IGSF9B: variants seen among roughly 807,000 people sequenced by gnomAD.
IGSF9B encodes the protein protein turtle homolog B.
Under a neutral mutation model 143.7 loss-of-function variants are expected in IGSF9B, and 48 were observed. That is an observed-to-expected ratio of 0.33 (90% CI 0.26 to 0.42). The LOEUF is 0.42. Among genes scored for constraint, IGSF9B ranks in the 20% least tolerant of loss-of-function variants. The probability of loss-of-function intolerance (pLI) is 1.00; values close to 1 mark genes in which losing one functional copy is unlikely to be tolerated. For synonymous variants in IGSF9B, 903 were observed against 833.1 expected (o/e 1.08, Z -1.44); for missense variants, 1,706 against 1,980.0 (o/e 0.86, Z 2.63).
chr11:133,938,198 G>A (rs190040081), intron 3 of IGSF9B: 12 of 504,712 alleles, frequency 2.4e-5, no homozygotes, highest in African/African-American at 7.7e-5. Flanking sequence ...CCAGGTCACC[G>A]ATGTTAACTG....
Position 133,921,060 on chromosome 11 carries a change from A to T in IGSF9B, c.2665T>A (p.Phe889Ile). The change falls in exon 18 of 20, where the codon TTC becomes ATC. Residue 889 changes from phenylalanine to isoleucine, a missense_variant. Transcript: ENST00000533871. ...FAEETDMYPEFRQSDEENEDP... is the reference protein window; with the variant it reads ...FAEETDMYPEIRQSDEENEDP... The stretch of plus-strand genomic sequence containing the variant: ...TCGTTCTCCTCGTCCGACTGGCGGA[A>T]CTCGGGGTACATGTCCGTCTCCTCG... 1 of 1,613,850 alleles carries T rather than the reference A, an allele frequency of 6.2e-7. No individual in the cohort carries two copies. Among genetic ancestry groups the T allele is most frequent in the Non-Finnish European group, 8.5e-7 (1 of 1,179,864 alleles).
chr11:133,937,653 G>A (rs561763347), intron 4 of IGSF9B, among the ~76,000 whole-genome samples, 157 bp downstream of exon 4: 3 of 152,336 alleles, frequency 2.0e-5, no homozygotes, highest in South Asian at 2.1e-4. Context: ...CCCATCTCCC[G>A]CCAGCGACAC....
Position 133,913,915 on chromosome 11 carries a change from C to T in IGSF9B, c.3984-1908G>A, listed in dbSNP as rs1462485146. On this transcript the variant is annotated intron_variant, in intron 18 of 19. Transcript: ENST00000533871. This position sits in a 1 kb window ranked among gnomAD's most constrained non-coding sequence, Gnocchi z 4.6. Reference sequence around the variant, plus strand: ...GGCCGGCCTCTTCAGGAGGACCACACAGGGTGAGCGACGTGTGGTCAGGGA... The same window carrying T: ...GGCCGGCCTCTTCAGGAGGACCACATAGGGTGAGCGACGTGTGGTCAGGGA... Among the ~76,000 whole-genome samples the T allele has an allele frequency of 6.6e-6, 1 of 152,306 alleles. No homozygotes were observed. The highest frequency in any genetic ancestry group is 1.9e-4 in the East Asian group (1 of 5,168).
chr11:133,899,652 G>A lies in IGSF9B; in HGVS notation c.*9417C>T, dbSNP rs1192440991. On this transcript the variant is annotated 3_prime_UTR_variant, in exon 20 of 20. Transcript: ENST00000533871. ...GGGCAAGCCCTAGGACATGCCCGAG[G>A]TGTTGGAGCAGTTTACTCTGCTGGT... 1 of 152,322 alleles carries A rather than the reference G, an allele frequency of 6.6e-6. No individual in the cohort carries two copies. Among genetic ancestry groups the A allele is most frequent in the Non-Finnish European group, 1.5e-5 (1 of 68,104 alleles). The allele number at this position is 152,322 out of a possible 1,614,324, so 9.4% of individuals were successfully genotyped here.
At chr11:133,935,794 C>T (rs372431514) in intron 6 of IGSF9B, 32 bp from the exon 7 acceptor site, 8 of 1,601,856 alleles carry the variant, frequency 5.0e-6, no homozygotes, top group Admixed American at 1.7e-5. Flanking sequence ...GGGGGTTGGG[C>T]GAGCAGAAGG....
At chr11:133,935,784 G>C (rs745944089) in intron 6 of IGSF9B, 22 bp from the exon 7 acceptor site, 1 of 1,607,254 alleles carries the variant, frequency 6.2e-7, no homozygotes, top group Admixed American at 1.7e-5. Flanking sequence ...CATGGGGACA[G>C]GGGGTTGGGC....
intron 1 of IGSF9B, among the ~76,000 whole-genome samples, chr11:133,952,831 G>A (rs678495): frequency 0.14 from 20,881 of 152,116 alleles, 1,797 homozygotes; most frequent in African/African-American, 0.23. Context: ...CTGGACAGCT[G>A]GAAGCTCTCA....
chr11:133,940,292 AC>A (rs1259800113), intron 3 of IGSF9B, among the ~76,000 whole-genome samples: 1 of 115,732 alleles, frequency 8.6e-6, no homozygotes, highest in South Asian at 3.2e-4. Context: ...CACACCTCGC[AC>A]GTCCTCGCAC....
At chr11:133,917,323 A>T (rs1294369447) in intron 18 of IGSF9B, among the ~76,000 whole-genome samples, 1 of 152,024 alleles carries the variant, frequency 6.6e-6, no homozygotes, top group Non-Finnish European at 1.5e-5. Context: ...CTGAATGCCC[A>T]AGTTCCTTTA....
chr11:133,947,176 C>T (rs1055365422), intron 1 of IGSF9B, among the ~76,000 whole-genome samples: 2 of 152,160 alleles, frequency 1.3e-5, no homozygotes, highest in African/African-American at 2.4e-5. Context: ...TAGAGGACGC[C>T]GCAGAGAGGA....
At chr11:133,930,862 G>A in intron 11 of IGSF9B, 122 bp downstream of exon 11, 1 of 1,053,470 alleles carries the variant, frequency 9.5e-7, no homozygotes, top group Non-Finnish European at 1.3e-6. Flanking sequence ...GGGCTGCACT[G>A]ACTTAGGAAG....
chr11:133,904,633 C>A lies in IGSF9B; in HGVS notation c.*4436G>T, dbSNP rs1026210645. Among the ~76,000 whole-genome samples the A allele has an allele frequency of 1.3e-5, 2 of 152,012 alleles. No homozygotes were observed. The highest frequency in any genetic ancestry group is 2.9e-5 in the Non-Finnish European group (2 of 68,016). The stretch of plus-strand genomic sequence containing the variant: ...TCATTCTTCGTCATCTTGGGATGAT[C>A]CCCCAGTGTGTACCCTGCACCCTTA... On this transcript the variant is annotated 3_prime_UTR_variant, in exon 20 of 20. Transcript: ENST00000533871.
chr11:133,944,390 G>A (rs770224616), intron 2 of IGSF9B, 24 bp from the exon 3 acceptor site: 115 of 1,611,150 alleles, frequency 7.1e-5, no homozygotes, highest in Non-Finnish European at 9.0e-5. Flanking sequence ...GCAGACAAAA[G>A]CCCCACAGGC....
chr11:133,901,834 ACACACACAC>A lies in IGSF9B; in HGVS notation c.*7226_*7234del, dbSNP rs1939126751. Among the ~76,000 whole-genome samples, 1 of 145,890 alleles carries A rather than the reference ACACACACAC, an allele frequency of 6.9e-6. No homozygotes were observed. The highest frequency in any genetic ancestry group is 6.9e-5 in the Admixed American group (1 of 14,566). On this transcript the variant is annotated 3_prime_UTR_variant, in exon 20 of 20. Coordinates refer to ENST00000533871, the MANE Select transcript of IGSF9B (RefSeq NM_001277285.4). The stretch of plus-strand genomic sequence containing the variant: ...GACACACCACACCACACACACAAAC[ACACACACAC>A]CACACACGCACCACACACGCACCAC...
In IGSF9B at chr11:133,907,744, GCCT is replaced by G. The variant is rs1035093091; in HGVS notation, c.*1322_*1324del. On this transcript the variant is annotated 3_prime_UTR_variant, in exon 20 of 20. Transcript: ENST00000533871. ...CCACCCCTCCCGCCTTCATTCCTAC[GCCT>G]CAGCCACAGAATAGAACTGGGCAAA... Among the ~76,000 whole-genome samples the G allele has an allele frequency of 9.2e-5, 14 of 152,158 alleles. No homozygotes were observed. The highest frequency in any genetic ancestry group is 3.1e-4 in the African/African-American group (13 of 41,446).
At chr11:133,912,387 C>G in intron 18 of IGSF9B, 1 of 466,170 alleles carries the variant, frequency 2.1e-6, no homozygotes, top group Non-Finnish European at 4.3e-6. Context: ...CAATCAAGAC[C>G]TTTGAATGGA....
intron 5 of IGSF9B, among the ~76,000 whole-genome samples, chr11:133,937,122 C>A (rs1939838797): frequency 6.6e-6 from 1 of 152,194 alleles, no homozygotes; most frequent in African/African-American, 2.4e-5. Flanking sequence ...CAGAAACCCA[C>A]ACAGCAGGGG....
At chr11:133,940,730 A>G (rs1458055249) in intron 3 of IGSF9B, among the ~76,000 whole-genome samples, 5 of 132,936 alleles carry the variant, frequency 3.8e-5, no homozygotes, top group Middle Eastern at 5.0e-3. Context: ...ACGCGTCATC[A>G]CATACAGAAA....
chr11:133,920,195 G>A lies in IGSF9B; in HGVS notation c.3530C>T (p.Pro1177Leu), dbSNP rs377392273. The A allele has an allele frequency of 3.9e-5, 59 of 1,513,782 alleles. No homozygotes were observed. The Admixed American group carries it at 5.2e-4, about 13-fold the overall frequency. 93.8% of individuals were successfully genotyped at this position (1,513,782 alleles called of 1,614,324 possible). ...CCTGGCCTGCCGAGGGCTAGGCCGG[G>A]GCCGGGGCTGGGGCTCATACCACCG... ...DTRWYEPQPR[P>L]RPSPRQARRA... Residue 1177 changes from proline to leucine, a missense_variant, in exon 18 of 20, where the codon CCC becomes CTC. Transcript: ENST00000533871.
Sources: gnomAD v4.1 joint callset for allele counts (sites outside exome capture counted in the v4.1 genomes callset) on GRCh38, gnomAD v4.1.1 for gene constraint, Gnocchi (gnomAD v3.1) non-coding constraint, MANE v1.5 for transcripts, NCBI Gene and HGNC (gene_info 2026-07-23, HGNC 2026-07-21) for gene names.